The following TMEFF2 variants were observed in gnomAD, a reference collection of about 807,000 sequenced individuals.
TMEFF2 encodes transmembrane protein with EGF like and two follistatin like domains 2, also known as tomoregulin-2.
TMEFF2 carries 28 observed loss-of-function variants against 53.8 expected under a neutral mutation model. That is an observed-to-expected ratio of 0.52 (90% CI 0.39 to 0.71). The LOEUF (loss-of-function observed/expected upper bound fraction) is 0.71. Ranked by LOEUF, TMEFF2 falls within the 30% of genes least tolerant of loss-of-function variation. The pLI is 0.00. For missense variants in TMEFF2, 353 were observed against 455.2 expected, an observed-to-expected ratio of 0.78 and a Z score of 2.04; for synonymous variants, 162 against 166.3, an observed-to-expected ratio of 0.97 and a Z score of 0.20.
chr2:192,135,241 C>G (rs540966589), intron 4 of TMEFF2, among the ~76,000 whole-genome samples: 13 of 152,190 alleles, frequency 8.5e-5, no homozygotes, highest in Non-Finnish European at 1.3e-4. Context: ...GATATCTCCT[C>G]GTGCTATCCC....
intron 5 of TMEFF2, among the ~76,000 whole-genome samples, chr2:192,020,158 G>A (rs371726635): frequency 3.9e-4 from 59 of 152,154 alleles, no homozygotes; most frequent in African/African-American, 1.4e-3. Flanking sequence ...CCCTAGTATT[G>A]TTGGTTCTTC....
intron 5 of TMEFF2, among the ~76,000 whole-genome samples, chr2:192,010,573 A>G (rs1170400578): frequency 6.6e-6 from 1 of 152,004 alleles, no homozygotes; most frequent in Admixed American, 6.6e-5. Context: ...CATAGATCTC[A>G]TTTAATTCAA....
At chr2:192,071,453 T>C (rs1175493547) in intron 4 of TMEFF2, among the ~76,000 whole-genome samples, 1 of 151,846 alleles carries the variant, frequency 6.6e-6, no homozygotes, top group Admixed American at 6.6e-5. Context: ...ATGAGGTCTA[T>C]ATTACAGACC....
chr2:192,039,295 T>C (rs1687415432), intron 5 of TMEFF2, among the ~76,000 whole-genome samples: 1 of 152,172 alleles, frequency 6.6e-6, no homozygotes, highest in African/African-American at 2.4e-5. Flanking sequence ...AAGAACAGAA[T>C]TGGTAGTAGG....
chr2:192,002,034 A>AT (rs200258480), intron 5 of TMEFF2, among the ~76,000 whole-genome samples: 42,820 of 150,480 alleles, frequency 0.28, 9,317 homozygotes, highest in African/African-American at 0.6. Context: ...TTATTTATTT[A>AT]TTATTTTTCA....
At chr2:192,140,543 A>G (rs547585044) in intron 4 of TMEFF2, among the ~76,000 whole-genome samples, 91 of 152,284 alleles carry the variant, frequency 6.0e-4, no homozygotes, top group African/African-American at 2.1e-3. Flanking sequence ...GATAAGAATG[A>G]GCAGCATTTA....
chr2:191,964,352 CTT>C (rs1394769617), intron 7 of TMEFF2, among the ~76,000 whole-genome samples: 22 of 104,464 alleles, frequency 2.1e-4, no homozygotes, highest in African/African-American at 5.2e-4. Context: ...TTCTTTCTTT[CTT>C]TCTTTCTTTC....
At chr2:192,163,280 C>A (rs1420596507) in intron 4 of TMEFF2, among the ~76,000 whole-genome samples, 3 of 152,112 alleles carry the variant, frequency 2.0e-5, no homozygotes, top group Admixed American at 2.0e-4. Context: ...AGGAGAAATG[C>A]TCCAAAGGTG....
chr2:192,119,375 T>TA (rs1410258071), intron 4 of TMEFF2, among the ~76,000 whole-genome samples: 4 of 152,330 alleles, frequency 2.6e-5, no homozygotes, highest in Non-Finnish European at 5.9e-5. Flanking sequence ...TTTTGTTTCT[T>TA]ACATCTTTGA....
chr2:191,961,937 A>G (rs1574246693), intron 7 of TMEFF2, among the ~76,000 whole-genome samples: 1 of 152,152 alleles, frequency 6.6e-6, no homozygotes, highest in East Asian at 1.9e-4. Flanking sequence ...TCTCCTTTTT[A>G]AAGCTTCTGG....
intron 5 of TMEFF2, among the ~76,000 whole-genome samples, chr2:192,037,573 A>AGTGT (rs66573123): frequency 1.4e-5 from 2 of 145,826 alleles, no homozygotes; most frequent in South Asian, 2.3e-4. Flanking sequence ...GAGAGTAACA[A>AGTGT]GTGTGTGTGT....
chr2:192,053,476 T>C (rs1687823002), intron 5 of TMEFF2, among the ~76,000 whole-genome samples: 1 of 151,868 alleles, frequency 6.6e-6, no homozygotes, highest in South Asian at 2.1e-4. Context: ...AATTAATTTT[T>C]CACCTTAGTT....
intron 4 of TMEFF2, among the ~76,000 whole-genome samples, chr2:192,154,875 C>G (rs1690470740): frequency 6.6e-6 from 1 of 151,918 alleles, no homozygotes; most frequent in Admixed American, 6.6e-5. Context: ...CATTCCCCCA[C>G]TTTGACAGGT....
chr2:192,193,997 A>G (rs1691539011), intron 1 of TMEFF2, among the ~76,000 whole-genome samples: 1 of 152,134 alleles, frequency 6.6e-6, no homozygotes, highest in Non-Finnish European at 1.5e-5. Flanking sequence ...TTTTTTCTTT[A>G]ATGATGACAA....
chr2:192,033,897 C>T (rs973117172), intron 5 of TMEFF2, among the ~76,000 whole-genome samples: 4 of 151,724 alleles, frequency 2.6e-5, no homozygotes, highest in African/African-American at 9.7e-5. Context: ...TTTTTTTGGC[C>T]AGGCATGGTG....
At position 191,953,859 on chromosome 2, in the gene TMEFF2, A is replaced by C. The variant is rs1574239097; in HGVS notation, c.870-22T>G. The stretch of plus-strand genomic sequence containing the variant: ...ACACCTGGAAGAAATTATAGTGCCC[A>C]GTTACCTGTAGGGTGCTGCATTCAT... On this transcript the variant is annotated intron_variant, in intron 8 of 9. Coordinates refer to ENST00000272771, the MANE Select transcript of TMEFF2 (RefSeq NM_016192.4). 3 of 1,475,796 alleles carry C rather than the reference A, an allele frequency of 2.0e-6. No individual in the cohort carries two copies. The South Asian group carries it at 3.5e-5, about 17-fold the overall frequency. The allele number at this position is 1,475,796 out of a possible 1,614,324, so 91.4% of individuals were successfully genotyped here. A position where few individuals can be genotyped will look rare whatever the true frequency, so the allele number is the denominator to read the frequency against.
At chr2:192,181,156 CT>C (rs1194415969) in intron 3 of TMEFF2, among the ~76,000 whole-genome samples, 1 of 151,738 alleles carries the variant, frequency 6.6e-6, no homozygotes, top group Non-Finnish European at 1.5e-5. Context: ...ACCAACTAAA[CT>C]GACTGTCATA....
chr2:192,168,016 GT>G (rs1690812797), intron 4 of TMEFF2, among the ~76,000 whole-genome samples: 1 of 152,068 alleles, frequency 6.6e-6, no homozygotes, highest in Non-Finnish European at 1.5e-5. Flanking sequence ...AACGTTGTTG[GT>G]TGAGTCTTTA....
At chr2:192,108,331 A>G (rs1206179510) in intron 4 of TMEFF2, among the ~76,000 whole-genome samples, 1 of 151,932 alleles carries the variant, frequency 6.6e-6, no homozygotes, top group Non-Finnish European at 1.5e-5. Flanking sequence ...CATATGGATT[A>G]TTAGTGTAAT....
Sources: gnomAD v4.1 joint callset for allele counts (sites outside exome capture counted in the v4.1 genomes callset) on GRCh38, gnomAD v4.1.1 for gene constraint, MANE v1.5 for transcripts, NCBI Gene and HGNC (gene_info 2026-07-23, HGNC 2026-07-21) for gene names.